CRLF3: variants seen among roughly 807,000 people sequenced by gnomAD.
The protein encoded by CRLF3 is cytokine receptor like factor 3.
Under a neutral mutation model 55.0 loss-of-function variants are expected in CRLF3, and 33 were observed. The observed-to-expected ratio is 0.60, with a 90% confidence interval of 0.46 to 0.80. The LOEUF (loss-of-function observed/expected upper bound fraction) is 0.80, where lower values mean the gene tolerates loss of function less well. Ranked by LOEUF, CRLF3 falls within the 30% of genes least tolerant of loss-of-function variation. The probability of loss-of-function intolerance (pLI) is 0.00; values close to 1 mark genes in which losing one functional copy is unlikely to be tolerated. For missense variants in CRLF3, 494 were observed against 538.4 expected, an observed-to-expected ratio of 0.92 and a Z score of 0.82; for synonymous variants, 238 against 196.8, an observed-to-expected ratio of 1.21 and a Z score of -1.75.
chr17:30,800,095 T>C (rs921986304), intron 2 of CRLF3, among the ~76,000 whole-genome samples: 3 of 152,168 alleles, frequency 2.0e-5, no homozygotes, highest in African/African-American at 4.8e-5. Context: ...GTGACAGCCA[T>C]GTGAATCATC....
intron 1 of CRLF3, among the ~76,000 whole-genome samples, chr17:30,813,289 C>G (rs2142270023): frequency 6.6e-6 from 1 of 152,216 alleles, no homozygotes; most frequent in East Asian, 1.9e-4. Flanking sequence ...TTATTGAGGC[C>G]TAGTATGTGT....
intron 1 of CRLF3, 147 bp from the exon 2 acceptor site, chr17:30,804,255 G>A: frequency 3.2e-6 from 2 of 631,662 alleles, no homozygotes; most frequent in Admixed American, 5.8e-5. Flanking sequence ...TTTAAGGTGT[G>A]ATATTTTGAT....
chr17:30,808,997 C>A (rs376211738), intron 1 of CRLF3, among the ~76,000 whole-genome samples: 7 of 152,174 alleles, frequency 4.6e-5, no homozygotes, highest in Admixed American at 4.6e-4. Context: ...TTTCGAATGG[C>A]CAAGAGGAAA....
In CRLF3 at chr17:30,782,987, CAAAT is replaced by C. The variant is rs748608772; in HGVS notation, c.*1196_*1199del. 15 of 152,142 alleles carry C rather than the reference CAAAT, an allele frequency of 9.9e-5. No individual in the cohort carries two copies. Among genetic ancestry groups the C allele is most frequent in the African/African-American group, 2.2e-4 (9 of 41,514 alleles). 9.4% of individuals were successfully genotyped at this position (152,142 alleles called of 1,614,324 possible). ...ATTATTTTTACATATTAAAGTCCTT[CAAAT>C]AAATATTTTACACACAAATTTAAGT... is the stretch of plus-strand genomic sequence containing the variant. On this transcript the variant is annotated 3_prime_UTR_variant, in exon 8 of 8. Transcript: ENST00000324238.
chr17:30,789,276 C>T (rs987243477), intron 6 of CRLF3, among the ~76,000 whole-genome samples: 15 of 152,174 alleles, frequency 9.9e-5, no homozygotes, highest in Non-Finnish European at 1.3e-4. Flanking sequence ...TCTTTCACAT[C>T]ACGGTCAGCA....
intron 1 of CRLF3, among the ~76,000 whole-genome samples, chr17:30,805,731 A>G (rs1433908726): frequency 6.6e-6 from 1 of 151,164 alleles, no homozygotes; most frequent in African/African-American, 2.4e-5. Context: ...AAAAAAAAAA[A>G]GCAAGCCATG....
In CRLF3 at chr17:30,792,385, C is replaced by G. The variant is rs1005784583; in HGVS notation, c.959+55G>C. The stretch of plus-strand genomic sequence containing the variant: ...TTTGAATTCAAAGCTTATGTATGCT[C>G]TATGCACTTCACTCTGCTTCCTGAG... On this transcript the variant is annotated intron_variant, in intron 6 of 7. Coordinates refer to ENST00000324238, the MANE Select transcript of CRLF3 (RefSeq NM_015986.4). The G allele has an allele frequency of 7.2e-6, 11 of 1,531,908 alleles. No individual in the cohort carries two copies. In the African/African-American group the frequency reaches 1.5e-4, roughly 21 times the overall value. The allele number at this position is 1,531,908 out of a possible 1,614,324, so 94.9% of individuals were successfully genotyped here.
intron 1 of CRLF3, among the ~76,000 whole-genome samples, chr17:30,807,896 A>G (rs1222251559): frequency 1.3e-5 from 2 of 152,132 alleles, no homozygotes; most frequent in Non-Finnish European, 2.9e-5. Flanking sequence ...TTAAATCACA[A>G]AGAGAAATCC....
chr17:30,802,247 C>T (rs1243527059), intron 2 of CRLF3, among the ~76,000 whole-genome samples: 3 of 150,534 alleles, frequency 2.0e-5, no homozygotes, highest in Non-Finnish European at 4.4e-5. Flanking sequence ...CTCAGCCTCC[C>T]GAGTAGCTAG....
intron 2 of CRLF3, among the ~76,000 whole-genome samples, chr17:30,802,195 T>C (rs1365678557): frequency 6.6e-6 from 1 of 151,822 alleles, no homozygotes; most frequent in Non-Finnish European, 1.5e-5. Context: ...CAATCTCGGC[T>C]AACTGCAACC....
At chr17:30,787,027 G>A (rs1418565427) in intron 6 of CRLF3, among the ~76,000 whole-genome samples, 3 of 152,094 alleles carry the variant, frequency 2.0e-5, no homozygotes, top group African/African-American at 7.2e-5. Context: ...TAGAGACACG[G>A]TTTCACCATG....
intron 6 of CRLF3, chr17:30,790,925 TTTC>T: frequency 6.6e-6 from 1 of 151,986 alleles, no homozygotes; most frequent in South Asian, 2.1e-4. Context: ...CTATGCTTTT[TTTC>T]TTTTTTTTGA....
intron 1 of CRLF3, among the ~76,000 whole-genome samples, chr17:30,823,036 G>A (rs1461758555): frequency 6.6e-6 from 1 of 152,046 alleles, no homozygotes; most frequent in African/African-American, 2.4e-5. Context: ...TGCAAATGAT[G>A]TCTGGCCTAC....
At chr17:30,803,799 T>C (rs1348091432) in intron 2 of CRLF3, 102 bp downstream of exon 2, 4 of 900,166 alleles carry the variant, frequency 4.4e-6, no homozygotes, top group Non-Finnish European at 7.2e-6. Context: ...GTAAGTTCAT[T>C]AAACCTCTTT....
At chr17:30,821,298 C>CCA (rs998039805) in intron 1 of CRLF3, among the ~76,000 whole-genome samples, 1 of 150,824 alleles carries the variant, frequency 6.6e-6, no homozygotes, top group Non-Finnish European at 1.5e-5. Flanking sequence ...TGAGATTGTG[C>CCA]CACTGCACTC....
chr17:30,797,505 T>G lies in CRLF3; in HGVS notation c.338-107A>C. ...TCTAGCGTTCTTGCAAATAAGTTCTTAAGTGATGCCACAGTCAAATTCCCA... is the reference window on the plus strand; with the variant it reads ...TCTAGCGTTCTTGCAAATAAGTTCTGAAGTGATGCCACAGTCAAATTCCCA... On this transcript the variant is annotated intron_variant, in intron 2 of 7. Coordinates refer to ENST00000324238, the MANE Select transcript of CRLF3 (RefSeq NM_015986.4). 6.1e-6 allele frequency: 5 copies of G among 819,254 alleles called. No homozygotes were observed. In the Admixed American group the frequency reaches 1.0e-4, roughly 17 times the overall value. The allele number at this position is 819,254 out of a possible 1,614,324, so 50.7% of individuals were successfully genotyped here.
In CRLF3 at chr17:30,808,881, C is replaced by T. The variant is rs1242506215; in HGVS notation, c.130-4773G>A. 1.2e-4 allele frequency among the ~76,000 whole-genome samples: 18 copies of T among 152,318 alleles called. No individual in the cohort carries two copies. In the South Asian group the frequency reaches 2.1e-3, roughly 18 times the overall value. On this transcript the variant is annotated intron_variant, in intron 1 of 7. Coordinates refer to ENST00000324238, the MANE Select transcript of CRLF3 (RefSeq NM_015986.4). ...GTGCTGGGATTACAGGCATGAGCCA[C>T]CGCACCCGGCCAAATCTGTATTTTT...
chr17:30,817,312 C>A (rs1250892371), intron 1 of CRLF3, among the ~76,000 whole-genome samples: 1 of 151,964 alleles, frequency 6.6e-6, no homozygotes, highest in Non-Finnish European at 1.5e-5. Context: ...GTGGCATGCG[C>A]CTATAATCCC....
chr17:30,785,413 CTGAA>C (rs1971619646), intron 7 of CRLF3, among the ~76,000 whole-genome samples: 1 of 151,752 alleles, frequency 6.6e-6, no homozygotes, highest in Non-Finnish European at 1.5e-5. Flanking sequence ...GGGATGTAGA[CTGAA>C]TGATTTATTA....
Sources: allele counts gnomAD v4.1 joint callset (sites outside exome capture counted in the v4.1 genomes callset), GRCh38; gene constraint gnomAD v4.1.1; transcripts MANE v1.5; gene names NCBI Gene and HGNC (gene_info 2026-07-23, HGNC 2026-07-21).